Variants in PRKG1 observed in about 807,000 individuals in gnomAD.
PRKG1 encodes cGMP-dependent protein kinase 1.
PRKG1 carries 35 observed loss-of-function variants against 88.1 expected under a neutral mutation model. The ratio of observed to expected loss-of-function variants is 0.40; its 90% CI spans 0.30 to 0.53. The LOEUF (loss-of-function observed/expected upper bound fraction) is 0.53. Ranked by LOEUF, PRKG1 falls within the 20% of genes least tolerant of loss-of-function variation. PRKG1 has a pLI of 0.59. For synonymous variants in PRKG1, 303 were observed against 292.5 expected (o/e 1.04, Z -0.37); for missense variants, 540 against 839.8 (o/e 0.64, Z 4.41).
chr10:51,161,031 A>G (rs904196947), intron 2 of PRKG1, among the ~76,000 whole-genome samples: 29 of 152,144 alleles, frequency 1.9e-4, no homozygotes, highest in Admixed American at 1.8e-3. Context: ...TTGAAAAGCC[A>G]TACATTTTTG....
At chr10:51,483,272 C>T (rs899355362) in intron 3 of PRKG1, among the ~76,000 whole-genome samples, 3 of 152,092 alleles carry the variant, frequency 2.0e-5, no homozygotes, top group South Asian at 2.1e-4. Context: ...CCACATGCCT[C>T]GGCCTCCCAA....
chr10:52,074,047 T>C (rs1354132873), intron 7 of PRKG1, among the ~76,000 whole-genome samples: 1 of 152,214 alleles, frequency 6.6e-6, no homozygotes, highest in East Asian at 1.9e-4. Flanking sequence ...TTGCTGTTGT[T>C]TGAATTTACT....
chr10:51,883,504 T>C (rs1407703687), intron 4 of PRKG1, among the ~76,000 whole-genome samples: 1 of 152,238 alleles, frequency 6.6e-6, no homozygotes, highest in African/African-American at 2.4e-5. Flanking sequence ...TGTGACTTCA[T>C]TGCAGTATTG....
chr10:51,947,589 C>T (rs987849224), intron 5 of PRKG1, among the ~76,000 whole-genome samples: 1 of 152,066 alleles, frequency 6.6e-6, no homozygotes, highest in Admixed American at 6.5e-5. Flanking sequence ...GGGAGCTGTT[C>T]CTATTCGGCC....
At chr10:51,540,907 C>CGG (rs1307434094) in intron 3 of PRKG1, among the ~76,000 whole-genome samples, 1 of 151,994 alleles carries the variant, frequency 6.6e-6, no homozygotes, top group African/African-American at 2.4e-5. Context: ...TTAGAAGAGA[C>CGG]GGGGTTTCAC....
intron 8 of PRKG1, among the ~76,000 whole-genome samples, chr10:52,153,376 A>G (rs1837995067): frequency 6.6e-6 from 1 of 152,236 alleles, no homozygotes; most frequent in East Asian, 1.9e-4. Context: ...GCATGTGTAC[A>G]AGTAATAAGG....
At chr10:51,554,421 CGTGT>C (rs58710266) in intron 3 of PRKG1, among the ~76,000 whole-genome samples, 30,408 of 143,164 alleles carry the variant, frequency 0.21, 4,552 homozygotes, top group African/African-American at 0.43. Flanking sequence ...GTATATTTAT[CGTGT>C]GTGTGTGTGT....
At chr10:51,590,184 CAT>C (rs1213951197) in intron 3 of PRKG1, among the ~76,000 whole-genome samples, 2 of 152,178 alleles carry the variant, frequency 1.3e-5, no homozygotes, top group African/African-American at 4.8e-5. Context: ...CTGCTACAAA[CAT>C]ATCCAAGAAG....
At chr10:51,908,734 A>ATATATATATATATTTTTTTT (rs563212069) in intron 5 of PRKG1, 1 of 52,222 alleles carries the variant, frequency 1.9e-5, no homozygotes, top group Admixed American at 2.1e-4. Context: ...TCTATATGTA[A>ATATATATATATATTTTTTTT]TTTTTTTTTT....
At chr10:51,451,183 G>T (rs1280060399) in intron 2 of PRKG1, among the ~76,000 whole-genome samples, 1 of 151,626 alleles carries the variant, frequency 6.6e-6, no homozygotes, top group African/African-American at 2.4e-5. Context: ...TAAATAATAA[G>T]ACCTAACAGT....
intron 9 of PRKG1, among the ~76,000 whole-genome samples, chr10:52,218,948 C>A (rs988968355): frequency 6.6e-6 from 1 of 151,826 alleles, no homozygotes; most frequent in Non-Finnish European, 1.5e-5. Context: ...CTGTGTTGAA[C>A]CAAAGCTAAA....
chr10:51,512,179 TTTTTTTTTTTTTAG>T (rs1376851477), intron 3 of PRKG1, among the ~76,000 whole-genome samples: 17 of 150,208 alleles, frequency 1.1e-4, no homozygotes, highest in African/African-American at 4.2e-4. Context: ...TAATTAATTT[TTTTTTTTTTTTTAG>T]TTTTTTTTTT....
intron 11 of PRKG1, among the ~76,000 whole-genome samples, 168 bp from the exon 12 acceptor site, chr10:52,272,224 A>G (rs1478278368): frequency 6.6e-6 from 1 of 152,040 alleles, no homozygotes; most frequent in Non-Finnish European, 1.5e-5. Context: ...TTAAAATCCT[A>G]TTCATGAGCC....
intron 1 of PRKG1, among the ~76,000 whole-genome samples, chr10:51,053,890 G>A (rs1476556411): frequency 1.3e-5 from 2 of 151,600 alleles, no homozygotes; most frequent in Admixed American, 1.3e-4. Context: ...CAACCTCTTG[G>A]TGAAATGAAG....
intron 8 of PRKG1, among the ~76,000 whole-genome samples, chr10:52,146,575 A>G (rs1564489357): frequency 6.6e-6 from 1 of 152,184 alleles, no homozygotes; most frequent in Non-Finnish European, 1.5e-5. Flanking sequence ...TAAGTAAAGA[A>G]ATGGTATTTG....
chr10:51,815,159 A>C (rs1013558701), intron 4 of PRKG1, among the ~76,000 whole-genome samples: 1 of 152,172 alleles, frequency 6.6e-6, no homozygotes, highest in African/African-American at 2.4e-5. Flanking sequence ...GGTTCCAAAA[A>C]TCTAAAACAG....
chr10:51,501,969 A>G (rs1410324608), intron 3 of PRKG1, among the ~76,000 whole-genome samples: 3 of 152,022 alleles, frequency 2.0e-5, no homozygotes, highest in Admixed American at 2.0e-4. Flanking sequence ...TTCATGCAGC[A>G]TTTGATGTGG....
intron 5 of PRKG1, among the ~76,000 whole-genome samples, chr10:51,983,139 G>T (rs978198054): frequency 6.6e-6 from 1 of 152,110 alleles, no homozygotes; most frequent in Non-Finnish European, 1.5e-5. Flanking sequence ...CCACACCAGT[G>T]TTGGCAAGGG....
intron 1 of PRKG1, among the ~76,000 whole-genome samples, chr10:50,997,500 C>G (rs189765676): frequency 1.7e-4 from 26 of 152,302 alleles, no homozygotes; most frequent in Admixed American, 1.6e-3. Flanking sequence ...CTAGTGCCCT[C>G]TCACCATAAC....
Sources: gnomAD v4.1 joint callset for allele counts (sites outside exome capture counted in the v4.1 genomes callset) on GRCh38, gnomAD v4.1.1 for gene constraint, MANE v1.5 for transcripts, NCBI Gene and HGNC (gene_info 2026-07-23, HGNC 2026-07-21) for gene names.